DDHD2: variants seen among roughly 807,000 people sequenced by gnomAD.
DDHD2 encodes DDHD domain containing 2.
In DDHD2, 62 loss-of-function variants were observed where a neutral mutation model predicts 91.2. The ratio of observed to expected loss-of-function variants is 0.68; its 90% CI spans 0.55 to 0.84. The LOEUF (loss-of-function observed/expected upper bound fraction) is 0.84. Among genes scored for constraint, DDHD2 ranks in the 40% least tolerant of loss-of-function variants. The pLI is 0.00. For synonymous variants in DDHD2, 271 were observed against 293.9 expected (o/e 0.92, Z 0.80); for missense variants, 740 against 846.9 (o/e 0.87, Z 1.57).
At chr8:38,265,507 T>TG (rs1258496647), downstream of DDHD2, 2 of 152,110 alleles carry the variant, frequency 1.3e-5, no homozygotes, top group African/African-American at 4.8e-5. Flanking sequence ...GTCAGGCTGG[T>TG]CTTCAACTCC....
At chr8:38,236,231 C>G (rs1162002579) in intron 3 of DDHD2, among the ~76,000 whole-genome samples, 1 of 151,954 alleles carries the variant, frequency 6.6e-6, no homozygotes, top group Non-Finnish European at 1.5e-5. Flanking sequence ...CCAGGATGGT[C>G]TCAAGCTCCT....
downstream of DDHD2, chr8:38,264,069 G>GA (rs1212873432): frequency 2.4e-5 from 24 of 989,818 alleles, no homozygotes; most frequent in African/African-American, 5.2e-5. Flanking sequence ...CTTGGAAGGG[G>GA]AAAAAAAGGC....
chr8:38,234,248 TA>T (rs1248261343), intron 2 of DDHD2, 145 bp from the exon 3 acceptor site: 6 of 497,986 alleles, frequency 1.2e-5, no homozygotes, highest in Non-Finnish European at 2.0e-5. Context: ...AGATATGAAT[TA>T]AATTCCATTT....
downstream of DDHD2, chr8:38,264,629 T>C: frequency 1.9e-6 from 3 of 1,564,980 alleles, no homozygotes; most frequent in Non-Finnish European, 2.6e-6. Flanking sequence ...AACAAGGTCT[T>C]CTCTTAATAT....
chr8:38,268,160 A>G (rs890920559), intron 1 of DDHD2: 2 of 1,321,296 alleles, frequency 1.5e-6, no homozygotes, highest in Non-Finnish European at 2.0e-6. Context: ...TCTGAGGTAC[A>G]AATAACCCAG....
intron 13 of DDHD2, 97 bp from the exon 14 acceptor site, chr8:38,252,625 G>C: frequency 1.2e-6 from 1 of 835,122 alleles, no homozygotes; most frequent in Non-Finnish European, 1.8e-6. Flanking sequence ...CTGGGTGACA[G>C]AGCGAGACCT....
downstream of DDHD2, among the ~76,000 whole-genome samples, chr8:38,265,948 T>C (rs1398926054): frequency 3.9e-5 from 6 of 152,384 alleles, no homozygotes; most frequent in African/African-American, 1.4e-4. Context: ...AAAATTAGGA[T>C]GTTTATCTTT....
At chr8:38,251,632 C>T (rs1228251943) in intron 11 of DDHD2, 1 of 288,432 alleles carries the variant, frequency 3.5e-6, no homozygotes, top group Non-Finnish European at 6.4e-6. Context: ...ATCTTGTTTT[C>T]TGAGGAAATC....
downstream of DDHD2, chr8:38,266,574 T>A (rs145078736): frequency 8.1e-5 from 25 of 307,182 alleles, no homozygotes; most frequent in Non-Finnish European, 1.2e-4. Flanking sequence ...CTAATTTTTT[T>A]ATTTTTAGTA....
intron 16 of DDHD2, among the ~76,000 whole-genome samples, chr8:38,255,831 A>G (rs1404240194): frequency 6.6e-6 from 1 of 152,126 alleles, no homozygotes; most frequent in Non-Finnish European, 1.5e-5. Context: ...ACTCATGAGT[A>G]TATCTGTAAT....
chr8:38,268,342 G>C, intron 1 of DDHD2: 1 of 1,545,126 alleles, frequency 6.5e-7, no homozygotes, highest in Non-Finnish European at 8.8e-7. Context: ...CCAGCACGAA[G>C]AAACCGGCCC....
In DDHD2 at chr8:38,245,859, A is replaced by G; in HGVS notation, c.966A>G (p.Thr322=). The G allele has an allele frequency of 1.2e-6, 2 of 1,614,184 alleles. No individual in the cohort carries two copies. Among genetic ancestry groups the G allele is most frequent in the Non-Finnish European group, 1.7e-6 (2 of 1,180,014 alleles). ...SPTYCQTIVD[T]VASEMNRIYT... ...CCTACTGTCAGACTATTGTGGACAC[A>G]GTTGCTTCTGAAATGAACCGAATAT... Residue 322 remains threonine (T), a synonymous_variant, in exon 8 of 18, where the codon ACA becomes ACG. Coordinates refer to ENST00000397166, the MANE Select transcript of DDHD2 (RefSeq NM_015214.3).
chr8:38,254,918 A>G (rs1806392781), intron 16 of DDHD2, among the ~76,000 whole-genome samples: 1 of 152,018 alleles, frequency 6.6e-6, no homozygotes, highest in Non-Finnish European at 1.5e-5. Flanking sequence ...ATACTAATTA[A>G]TCCCTGAAGA....
At chr8:38,267,489 A>G (rs1807826636), downstream of DDHD2, 24 of 1,430,422 alleles carry the variant, frequency 1.7e-5, no homozygotes, top group Non-Finnish European at 2.3e-5. Flanking sequence ...TATTGGTCAA[A>G]TAGTGCCCCA....
intron 16 of DDHD2, among the ~76,000 whole-genome samples, chr8:38,256,914 CTTTT>C (rs1226858384): frequency 3.9e-5 from 6 of 152,086 alleles, no homozygotes; most frequent in African/African-American, 7.2e-5. Flanking sequence ...TCCACATCAA[CTTTT>C]TTTTATTTTT....
chr8:38,266,153 G>A (rs1807547328), downstream of DDHD2: 1 of 1,614,020 alleles, frequency 6.2e-7, no homozygotes, highest in Non-Finnish European at 8.5e-7. Flanking sequence ...TGCCAGTGAT[G>A]CTTGTAGTCA....
chr8:38,238,812 T>A, intron 5 of DDHD2: 1 of 525,428 alleles, frequency 1.9e-6, no homozygotes, highest in South Asian at 8.4e-5. Context: ...ATAACTGTAT[T>A]ATGGTTATGT....
chr8:38,252,887 ACT>A, intron 14 of DDHD2, 63 bp downstream of exon 14: 1 of 1,606,308 alleles, frequency 6.2e-7, no homozygotes, highest in South Asian at 1.1e-5. Flanking sequence ...GGCATCATTC[ACT>A]CTGTTCAGCT....
Position 38,235,459 on chromosome 8 carries a change from C to T in DDHD2, c.411+875C>T, listed in dbSNP as rs143172581. Among the ~76,000 whole-genome samples the T allele has an allele frequency of 3.2e-4, 48 of 152,180 alleles. 3 individuals are homozygous for T. In the East Asian group the frequency reaches 8.5e-3, roughly 27 times the overall value. ...AAAATACTCCGGGCCTGGTGGCTCA[C>T]GCCTGTAATCCCAGCAGTTTGGGGG... On this transcript the variant is annotated intron_variant, in intron 3 of 17. Coordinates refer to ENST00000397166, the MANE Select transcript of DDHD2 (RefSeq NM_015214.3).
Sources: gnomAD v4.1 joint callset for allele counts (sites outside exome capture counted in the v4.1 genomes callset) on GRCh38, gnomAD v4.1.1 for gene constraint, MANE v1.5 for transcripts, NCBI Gene and HGNC (gene_info 2026-07-23, HGNC 2026-07-21) for gene names.